OTUD7A: variants seen among roughly 807,000 people sequenced by gnomAD.
OTUD7A encodes OTU deubiquitinase 7A.
In OTUD7A, 12 loss-of-function variants were observed where a neutral mutation model predicts 65.7. The ratio of observed to expected loss-of-function variants is 0.18; its 90% CI spans 0.12 to 0.30. The LOEUF (loss-of-function observed/expected upper bound fraction) is 0.30, where lower values mean the gene tolerates loss of function less well. Ranked by LOEUF, OTUD7A falls within the 10% of genes least tolerant of loss-of-function variation. OTUD7A has a pLI of 1.00. For synonymous variants in OTUD7A, 641 were observed against 586.3 expected (o/e 1.09, Z -1.35); for missense variants, 1,148 against 1,304.8 (o/e 0.88, Z 1.85).
chr15:31,851,769 A>AGTT (rs1392917686), intron 1 of OTUD7A, among the ~76,000 whole-genome samples: 6 of 152,216 alleles, frequency 3.9e-5, no homozygotes, highest in Admixed American at 3.9e-4. Context: ...TGACAATCCC[A>AGTT]TGTGAACTCT....
intron 1 of OTUD7A, among the ~76,000 whole-genome samples, chr15:31,800,437 G>A (rs1290381178): frequency 1.3e-5 from 2 of 152,156 alleles, no homozygotes; most frequent in South Asian, 2.1e-4. Flanking sequence ...GCAGCCAATC[G>A]AGGACACTGA....
At chr15:31,515,356 TAAC>T (rs950507719) in intron 8 of OTUD7A, among the ~76,000 whole-genome samples, 10 of 152,206 alleles carry the variant, frequency 6.6e-5, no homozygotes, top group Non-Finnish European at 1.0e-4. Flanking sequence ...ACCCCCATGG[TAAC>T]AACAGCGTGA....
At chr15:31,581,093 A>AGGAAGG (rs1889357983) in intron 3 of OTUD7A, among the ~76,000 whole-genome samples, 4 of 152,230 alleles carry the variant, frequency 2.6e-5, no homozygotes, top group Admixed American at 1.3e-4. Context: ...CTTGGCCAAA[A>AGGAAGG]GGAAGGGGCT....
chr15:31,574,572 T>C (rs941155861), intron 3 of OTUD7A, among the ~76,000 whole-genome samples: 1 of 152,174 alleles, frequency 6.6e-6, no homozygotes, highest in East Asian at 1.9e-4. Flanking sequence ...TCAAACAAGG[T>C]AGAATTCAGG....
At chr15:31,554,349 G>A (rs1273239288) in intron 5 of OTUD7A, among the ~76,000 whole-genome samples, 1 of 152,222 alleles carries the variant, frequency 6.6e-6, no homozygotes, top group Non-Finnish European at 1.5e-5. Flanking sequence ...ATTCAACACA[G>A]GCTGACACTG....
chr15:31,710,718 A>G lies in OTUD7A; in HGVS notation c.-99-53641T>C, dbSNP rs2654059. Among the ~76,000 whole-genome samples the G allele has an allele frequency of 2.6e-5, 4 of 152,286 alleles. No homozygotes were observed. In the East Asian group the frequency reaches 5.8e-4, roughly 22 times the overall value. On this transcript the variant is annotated intron_variant, in intron 1 of 12. Transcript: ENST00000307050. ...GCTTCCTTTTTGATTTTCTGTCTGG[A>G]AGAGCTATCCATTATTGAAAGTGGA...
intron 4 of OTUD7A, among the ~76,000 whole-genome samples, chr15:31,560,650 C>T (rs985434095): frequency 6.6e-6 from 1 of 152,178 alleles, no homozygotes; most frequent in African/African-American, 2.4e-5. Flanking sequence ...AAAGCATGGT[C>T]TCTGGTGTTT....
chr15:31,787,999 T>C (rs1197412004), intron 1 of OTUD7A, among the ~76,000 whole-genome samples: 3 of 152,230 alleles, frequency 2.0e-5, no homozygotes, highest in African/African-American at 7.2e-5. Context: ...GTTGGCCACT[T>C]TACTGTACAC....
At chr15:31,845,975 G>T (rs1897285383) in intron 1 of OTUD7A, among the ~76,000 whole-genome samples, 1 of 152,196 alleles carries the variant, frequency 6.6e-6, no homozygotes, top group South Asian at 2.1e-4. Flanking sequence ...CCCACAGTGT[G>T]GGATGCCAGG....
intron 1 of OTUD7A, among the ~76,000 whole-genome samples, chr15:31,738,897 A>C (rs1894264256): frequency 6.6e-6 from 1 of 152,222 alleles, no homozygotes; most frequent in Non-Finnish European, 1.5e-5. Context: ...CCTTAAAGCA[A>C]GGGATTCCCA....
intron 10 of OTUD7A, among the ~76,000 whole-genome samples, chr15:31,489,637 G>A (rs983812540): frequency 1.3e-5 from 2 of 152,142 alleles, no homozygotes; most frequent in Non-Finnish European, 2.9e-5. Context: ...GCAGAAGACA[G>A]CAGATCTCCA....
chr15:31,633,201 G>A (rs143379960), intron 3 of OTUD7A, among the ~76,000 whole-genome samples: 4,065 of 152,236 alleles, frequency 0.027, 208 homozygotes, highest in African/African-American at 0.091. Context: ...GAAATCACCC[G>A]TCTTCTGTGT....
intron 1 of OTUD7A, among the ~76,000 whole-genome samples, chr15:31,865,505 T>C (rs1484314639): frequency 6.6e-6 from 1 of 152,228 alleles, no homozygotes; most frequent in Non-Finnish European, 1.5e-5. Context: ...AGGCTAACCC[T>C]AAGCTTACTG....
intron 3 of OTUD7A, among the ~76,000 whole-genome samples, chr15:31,571,085 CAATTAGCCAGATTTGATCATT>C (rs1889040488): frequency 6.6e-6 from 1 of 152,002 alleles, no homozygotes; most frequent in African/African-American, 2.4e-5. Flanking sequence ...ATGGATATCC[CAATTAGCCAGATTTGATCATT>C]ATACATTGTA....
chr15:31,550,033 G>A (rs1460623268), intron 5 of OTUD7A, among the ~76,000 whole-genome samples: 1 of 151,468 alleles, frequency 6.6e-6, no homozygotes, highest in African/African-American at 2.4e-5. Flanking sequence ...CCAGAAGGTG[G>A]AGGTTGCACT....
intron 1 of OTUD7A, among the ~76,000 whole-genome samples, chr15:31,744,774 T>C (rs1368863463): frequency 1.3e-5 from 2 of 152,118 alleles, no homozygotes; most frequent in Non-Finnish European, 2.9e-5. Flanking sequence ...TGAATGTCAG[T>C]GTAGCAAATT....
intron 1 of OTUD7A, among the ~76,000 whole-genome samples, chr15:31,757,554 T>G (rs1469343829): frequency 2.0e-5 from 3 of 151,976 alleles, no homozygotes; most frequent in Non-Finnish European, 4.4e-5. Flanking sequence ...CAAGGAGATT[T>G]GGGAGCCAGC....
intron 1 of OTUD7A, among the ~76,000 whole-genome samples, chr15:31,659,487 T>C (rs1479640065): frequency 1.3e-5 from 2 of 152,152 alleles, no homozygotes. Flanking sequence ...GCAAAAACAC[T>C]CAGGAATCGA....
intron 1 of OTUD7A, among the ~76,000 whole-genome samples, chr15:31,677,952 G>C (rs1288594240): frequency 6.6e-6 from 1 of 152,224 alleles, no homozygotes; most frequent in Non-Finnish European, 1.5e-5. Flanking sequence ...GAGTGGCTTT[G>C]ATCAAAATGC....
Sources: gnomAD v4.1 joint callset for allele counts (sites outside exome capture counted in the v4.1 genomes callset) on GRCh38, gnomAD v4.1.1 for gene constraint, MANE v1.5 for transcripts, NCBI Gene and HGNC (gene_info 2026-07-23, HGNC 2026-07-21) for gene names.